SUGCT: variants seen among roughly 807,000 people sequenced by gnomAD.
SUGCT encodes the protein succinyl-CoA:glutarate-CoA transferase.
Under a neutral mutation model 55.0 loss-of-function variants are expected in SUGCT, and 41 were observed. That is an observed-to-expected ratio of 0.74 (90% CI 0.58 to 0.97). The LOEUF is 0.97. Among genes scored for constraint, SUGCT ranks in the 50% least tolerant of loss-of-function variants. SUGCT has a pLI of 0.00. For missense variants in SUGCT, 568 were observed against 547.8 expected, an observed-to-expected ratio of 1.04 and a Z score of -0.37; for synonymous variants, 187 against 200.4, an observed-to-expected ratio of 0.93 and a Z score of 0.56.
chr7:40,748,581 A>G (rs1400651646), intron 12 of SUGCT, among the ~76,000 whole-genome samples: 1 of 151,702 alleles, frequency 6.6e-6, no homozygotes, highest in African/African-American at 2.4e-5. Context: ...ATTTGAAGTT[A>G]TTAGTTATAG....
chr7:40,431,459 T>A (rs928763656), intron 9 of SUGCT, among the ~76,000 whole-genome samples: 1 of 152,200 alleles, frequency 6.6e-6, no homozygotes, highest in Non-Finnish European at 1.5e-5. Flanking sequence ...GTATTTTTTT[T>A]CTATTTCTGT....
chr7:40,441,641 GTTC>G lies in SUGCT; in HGVS notation c.817-7640_817-7638del, dbSNP rs542754491. On this transcript the variant is annotated intron_variant, in intron 9 of 13. Transcript: ENST00000335693. ...AGATATTCATGTAACTGCATGACCA[GTTC>G]TTCTTGCCTGTTGCAGAGATGGAGC... is the stretch of plus-strand genomic sequence containing the variant. Among the ~76,000 whole-genome samples, 9 of 152,286 alleles carry G rather than the reference GTTC, an allele frequency of 5.9e-5. No individual in the cohort carries two copies. In the East Asian group the frequency reaches 1.5e-3, roughly 26 times the overall value.
chr7:40,762,987 A>AT (rs1050218030), intron 13 of SUGCT, among the ~76,000 whole-genome samples: 6 of 149,976 alleles, frequency 4.0e-5, no homozygotes, highest in South Asian at 2.1e-4. Context: ...TAATTTTTGT[A>AT]TTTTTTTTTA....
chr7:40,422,390 T>C (rs1787356050), intron 9 of SUGCT, among the ~76,000 whole-genome samples: 1 of 152,242 alleles, frequency 6.6e-6, no homozygotes, highest in East Asian at 1.9e-4. Context: ...TCTCAACATG[T>C]CTTCCATGGA....
intron 1 of SUGCT, among the ~76,000 whole-genome samples, chr7:40,142,117 T>C (rs1166496051): frequency 6.6e-6 from 1 of 151,838 alleles, no homozygotes; most frequent in African/African-American, 2.4e-5. Flanking sequence ...TAGGGTGGAA[T>C]AGGTAACTGG....
At chr7:40,473,721 A>G (rs762212478) in intron 11 of SUGCT, among the ~76,000 whole-genome samples, 2 of 152,178 alleles carry the variant, frequency 1.3e-5, no homozygotes, top group Non-Finnish European at 2.9e-5. Context: ...TACATGTTTG[A>G]ATGCAAATAA....
chr7:40,396,222 C>T (rs1365884885), intron 9 of SUGCT, among the ~76,000 whole-genome samples: 2 of 152,056 alleles, frequency 1.3e-5, no homozygotes, highest in African/African-American at 4.8e-5. Flanking sequence ...ATTTGAAATG[C>T]CTTAATACAA....
At chr7:40,178,850 G>A (rs951491422) in intron 1 of SUGCT, among the ~76,000 whole-genome samples, 5 of 151,930 alleles carry the variant, frequency 3.3e-5, no homozygotes, top group Non-Finnish European at 2.9e-5. Flanking sequence ...TTCTGTTTTT[G>A]CTGTTCACTA....
chr7:40,467,204 GAAAAAAAAAAAA>G (rs762283927), intron 11 of SUGCT, among the ~76,000 whole-genome samples: 1 of 83,622 alleles, frequency 1.2e-5, no homozygotes, highest in Non-Finnish European at 2.3e-5. Context: ...CTAAGAAAAA[GAAAAAAAAAAAA>G]AAAAAAAAAA....
intron 12 of SUGCT, among the ~76,000 whole-genome samples, chr7:40,706,057 G>C (rs76759290): frequency 0.025 from 3,852 of 152,136 alleles, 133 homozygotes; most frequent in African/African-American, 0.085. Flanking sequence ...GCCTAGGAAG[G>C]GCTCAGCATT....
the SUGCT span, among the ~76,000 whole-genome samples, chr7:40,900,057 G>A: frequency 5.3e-5 from 8 of 152,128 alleles, no homozygotes; most frequent in Non-Finnish European, 1.0e-4. Context: ...TTCATCCTCG[G>A]GGGCTGCTGC....
the SUGCT span, among the ~76,000 whole-genome samples, chr7:40,904,092 T>C: frequency 6.6e-6 from 1 of 152,324 alleles, no homozygotes; most frequent in East Asian, 1.9e-4. Flanking sequence ...ACGACTTTAT[T>C]ATAGCCCCTT....
rs1052720224 is a variant in SUGCT, at chr7:40,191,533, C to A, written c.363+1939C>A. Among the ~76,000 whole-genome samples, 3 of 152,024 alleles carry A rather than the reference C, an allele frequency of 2.0e-5. No homozygotes were observed. In the East Asian group the frequency reaches 5.8e-4, roughly 29 times the overall value. On this transcript the variant is annotated intron_variant, in intron 5 of 13. Coordinates refer to ENST00000335693, the MANE Select transcript of SUGCT (RefSeq NM_001193313.2). ...AACTTGAAAATCATCCTGATCTTAC[C>A]ACTCTTTCTTCCCATATCTTTCCTG...
chr7:40,192,249 A>C (rs761259372), intron 5 of SUGCT, among the ~76,000 whole-genome samples: 1 of 152,142 alleles, frequency 6.6e-6, no homozygotes, highest in African/African-American at 2.4e-5. Flanking sequence ...TGGATACATG[A>C]GAGCTTCAAA....
the SUGCT span, among the ~76,000 whole-genome samples, chr7:40,889,622 G>A: frequency 1.3e-5 from 2 of 152,220 alleles, no homozygotes; most frequent in Admixed American, 1.3e-4. Context: ...ATCTCTTTCT[G>A]TGGAATCCCA....
At chr7:40,288,651 T>A (rs973634728) in intron 8 of SUGCT, among the ~76,000 whole-genome samples, 1 of 152,058 alleles carries the variant, frequency 6.6e-6, no homozygotes, top group African/African-American at 2.4e-5. Flanking sequence ...CACCTATAAT[T>A]TAAAATTCCC....
chr7:40,872,442 T>C, the SUGCT span, among the ~76,000 whole-genome samples: 1 of 152,178 alleles, frequency 6.6e-6, no homozygotes, highest in Non-Finnish European at 1.5e-5. Flanking sequence ...TCCTCATTAA[T>C]TGTTCTTCAA....
intron 9 of SUGCT, among the ~76,000 whole-genome samples, chr7:40,421,553 G>A (rs1787308266): frequency 6.6e-6 from 1 of 152,144 alleles, no homozygotes; most frequent in Non-Finnish European, 1.5e-5. Flanking sequence ...TTCAACAAAT[G>A]TTTATTAATT....
intron 9 of SUGCT, among the ~76,000 whole-genome samples, chr7:40,375,016 C>T (rs529427010): frequency 2.2e-4 from 33 of 152,238 alleles, no homozygotes; most frequent in African/African-American, 3.4e-4. Flanking sequence ...AAGATTGTCA[C>T]GTGTGGGCTC....
Sources: gnomAD v4.1 joint callset for allele counts (sites outside exome capture counted in the v4.1 genomes callset) on GRCh38, gnomAD v4.1.1 for gene constraint, MANE v1.5 for transcripts, NCBI Gene and HGNC (gene_info 2026-07-23, HGNC 2026-07-21) for gene names.